The following KCMF1 variants were observed in gnomAD, a reference collection of about 807,000 sequenced individuals.
KCMF1 encodes the protein potassium channel modulatory factor 1, also known as E3 ubiquitin-protein ligase KCMF1.
KCMF1 carries 3 observed loss-of-function variants against 41.1 expected under a neutral mutation model. The ratio of observed to expected loss-of-function variants is 0.07; its 90% confidence interval spans 0.03 to 0.19. KCMF1 has a LOEUF of 0.19. KCMF1 is among the 10% of genes least tolerant of loss of function. KCMF1 has a pLI of 1.00. For synonymous variants in KCMF1, 142 were observed against 164.5 expected, an observed-to-expected ratio of 0.86 and a Z score of 1.04; for missense variants, 286 against 488.9, an observed-to-expected ratio of 0.58 and a Z score of 3.91.
intron 1 of KCMF1, among the ~76,000 whole-genome samples, chr2:84,984,742 C>A (rs757233811): frequency 3.3e-5 from 5 of 152,128 alleles, no homozygotes; most frequent in Non-Finnish European, 5.9e-5. Context: ...ATTGCTTGAA[C>A]CCGGGAGGCA....
rs1491331813 is a variant in KCMF1, at chr2:85,008,288, TAA to T, written c.17-19600_17-19599del. Among the ~76,000 whole-genome samples the T allele has an allele frequency of 9.3e-5, 9 of 96,468 alleles. No homozygotes were observed. In the South Asian group the frequency reaches 1.1e-3, roughly 12 times the overall value. The allele number at this position is 96,468 out of a possible 152,430, so 63.3% of individuals were successfully genotyped here. On this transcript the variant is annotated intron_variant, in intron 1 of 6. Transcript: ENST00000409785. Reference sequence around the variant, plus strand: ...CATATATAATATATAATATGATATATAATATATATAATATATAATATGATATA... The same window carrying T: ...CATATATAATATATAATATGATATATTATATATAATATATAATATGATATA...
chr2:85,002,977 T>TA (rs1674370757), intron 1 of KCMF1, among the ~76,000 whole-genome samples: 1 of 152,226 alleles, frequency 6.6e-6, no homozygotes, highest in African/African-American at 2.4e-5. Context: ...GAGTAAAATG[T>TA]TGTAGATATA....
chr2:84,998,612 C>T (rs1453552967), intron 1 of KCMF1, among the ~76,000 whole-genome samples: 1 of 151,370 alleles, frequency 6.6e-6, no homozygotes, highest in Non-Finnish European at 1.5e-5. Flanking sequence ...TACTTACTTA[C>T]TTATTTGAGA....
At chr2:85,024,609 C>CGT (rs1286861410) in intron 1 of KCMF1, among the ~76,000 whole-genome samples, 1 of 148,616 alleles carries the variant, frequency 6.7e-6, no homozygotes, top group Non-Finnish European at 1.5e-5. Flanking sequence ...TGTGTGTGCG[C>CGT]GTGTGTGTGT....
chr2:84,977,566 G>A (rs1288987460), intron 1 of KCMF1, among the ~76,000 whole-genome samples: 2 of 151,634 alleles, frequency 1.3e-5, no homozygotes, highest in Admixed American at 6.6e-5. Flanking sequence ...GACCACAGGT[G>A]TGCGCCCCAC....
intron 1 of KCMF1, among the ~76,000 whole-genome samples, chr2:85,008,321 C>CATATATAATATATTATATA (rs1558573489): frequency 4.6e-5 from 2 of 43,950 alleles, no homozygotes; most frequent in African/African-American, 9.9e-5. Flanking sequence ...ATATATATAT[C>CATATATAATATATTATATA]ATATATAATA....
chr2:84,976,305 C>T (rs1055274248), intron 1 of KCMF1, among the ~76,000 whole-genome samples: 1 of 150,422 alleles, frequency 6.6e-6, no homozygotes, highest in Non-Finnish European at 1.5e-5. Context: ...CTCCTGTGTT[C>T]GAGTGATTCT....
chr2:85,008,310 GATAT>G (rs1258410051), intron 1 of KCMF1, among the ~76,000 whole-genome samples: 3 of 16,236 alleles, frequency 1.8e-4, no homozygotes, highest in African/African-American at 4.8e-4. Flanking sequence ...TATATAATAT[GATAT>G]ATATATCATA....
Position 85,031,222 on chromosome 2 carries a change from G to A in KCMF1, c.184+3166G>A, listed in dbSNP as rs368538617. ...TTATGTCGAATCGGTAGATTAGTTT[G>A]GAGAGTATTGCCATCTTAATAATAT... On this transcript the variant is annotated intron_variant, in intron 2 of 6. Coordinates refer to ENST00000409785, the MANE Select transcript of KCMF1 (RefSeq NM_020122.5). Among the ~76,000 whole-genome samples, 19 of 152,310 alleles carry A rather than the reference G, an allele frequency of 1.2e-4. 1 individual carries two copies. The South Asian group carries it at 3.7e-3, about 30-fold the overall frequency.
chr2:85,026,061 G>A (rs1037644900), intron 1 of KCMF1, among the ~76,000 whole-genome samples: 1 of 151,968 alleles, frequency 6.6e-6, no homozygotes, highest in Non-Finnish European at 1.5e-5. Context: ...CATGATCTCG[G>A]CTCACTGCAA....
chr2:85,033,878 G>A (rs1208863990), intron 2 of KCMF1, among the ~76,000 whole-genome samples: 1 of 152,032 alleles, frequency 6.6e-6, no homozygotes, highest in Non-Finnish European at 1.5e-5. Context: ...CAGTAACCCA[G>A]TTGGGCAAAA....
intron 1 of KCMF1, among the ~76,000 whole-genome samples, chr2:85,003,654 A>G (rs1674390689): frequency 6.6e-6 from 1 of 151,886 alleles, no homozygotes; most frequent in Admixed American, 6.6e-5. Context: ...GGGTCTCCCG[A>G]TGTTACCCAG....
intron 1 of KCMF1, among the ~76,000 whole-genome samples, chr2:84,985,228 T>TG (rs1442815367): frequency 1.3e-5 from 2 of 152,144 alleles, no homozygotes; most frequent in Non-Finnish European, 2.9e-5. Context: ...AGCCAGATCT[T>TG]GGACACCCTC....
chr2:85,008,291 T>TATATAATATGATATATAATATG (rs1486177880), intron 1 of KCMF1, among the ~76,000 whole-genome samples: 4 of 14,624 alleles, frequency 2.7e-4, no homozygotes, highest in African/African-American at 6.2e-4. Flanking sequence ...TGATATATAA[T>TATATAATATGATATATAATATG]ATATATAATA....
At position 84,986,995 on chromosome 2, in the gene KCMF1, A is replaced by G. The variant is rs1032311336; in HGVS notation, c.16+15528A>G. ...GCTAGTAGTCTGTTTTCTCATCTGT[A>G]AAAGGAGGACACTAATGCCTGTTTA... On this transcript the variant is annotated intron_variant, in intron 1 of 6. Transcript: ENST00000409785. 2.0e-5 allele frequency among the ~76,000 whole-genome samples: 3 copies of G among 152,332 alleles called. No homozygotes were observed. In the Middle Eastern group the frequency reaches 0.01, roughly 518 times the overall value.
chr2:84,982,564 A>G (rs1444553698), intron 1 of KCMF1, among the ~76,000 whole-genome samples: 1 of 151,242 alleles, frequency 6.6e-6, no homozygotes, highest in African/African-American at 2.4e-5. Context: ...ACCATGCCCT[A>G]ATTTTTGTAT....
rs577302035 is a variant in KCMF1, at chr2:85,053,634, C to T, written c.*225C>T. The T allele has an allele frequency of 1.5e-5, 7 of 478,120 alleles. No homozygotes were observed. The Admixed American group carries it at 1.9e-4, about 13-fold the overall frequency. 29.6% of individuals were successfully genotyped at this position (478,120 alleles called of 1,614,324 possible). On this transcript the variant is annotated 3_prime_UTR_variant, in exon 7 of 7. Transcript: ENST00000409785. ...GGTAGCAGTGCAGGGGTGATCTCTG[C>T]TTCCTGTACCTTGACATGCAAAAGG...
intron 2 of KCMF1, among the ~76,000 whole-genome samples, chr2:85,032,108 T>G (rs1675290890): frequency 6.6e-6 from 1 of 152,080 alleles, no homozygotes; most frequent in Non-Finnish European, 1.5e-5. Context: ...TTCATATAGA[T>G]CTCATATCCT....
rs118005887 is a variant in KCMF1, at chr2:85,036,519, T to C, written c.324+1364T>C. On this transcript the variant is annotated intron_variant, in intron 3 of 6. Transcript: ENST00000409785. Reference sequence around the variant, plus strand: ...CATCCTTAAAATCATTATTAGACTGTGCACAGTGACTCATGACTGTAATCC... The same window carrying C: ...CATCCTTAAAATCATTATTAGACTGCGCACAGTGACTCATGACTGTAATCC... Among the ~76,000 whole-genome samples, 10 of 152,244 alleles carry C rather than the reference T, an allele frequency of 6.6e-5. No homozygotes were observed. The East Asian group carries it at 1.9e-3, about 29-fold the overall frequency.
Sources: allele counts gnomAD v4.1 joint callset (sites outside exome capture counted in the v4.1 genomes callset), GRCh38; gene constraint gnomAD v4.1.1; transcripts MANE v1.5; gene names NCBI Gene and HGNC (gene_info 2026-07-23, HGNC 2026-07-21).